The following DENND1A variants were observed in gnomAD, a reference collection of about 807,000 sequenced individuals.
DENND1A encodes DENN domain containing 1A.
A neutral mutation model predicts 113.7 loss-of-function variants in DENND1A; 51 were observed. That is an observed-to-expected ratio of 0.45 (90% CI 0.36 to 0.57). DENND1A has a LOEUF of 0.57. Among genes scored for constraint, DENND1A ranks in the 20% least tolerant of loss-of-function variants. The pLI is 0.00. For missense variants in DENND1A, 1,258 were observed against 1,395.9 expected, an observed-to-expected ratio of 0.90 and a Z score of 1.57; for synonymous variants, 565 against 570.8, an observed-to-expected ratio of 0.99 and a Z score of 0.14.
intron 13 of DENND1A, among the ~76,000 whole-genome samples, chr9:123,538,896 C>T (rs1341386500): frequency 2.3e-5 from 3 of 131,710 alleles, no homozygotes; most frequent in Admixed American, 7.9e-5. Context: ...CAATTGTCAC[C>T]TTTGGAGGAT....
chr9:123,860,921 C>A (rs1348594136), intron 2 of DENND1A, among the ~76,000 whole-genome samples: 2 of 152,164 alleles, frequency 1.3e-5, no homozygotes, highest in African/African-American at 4.8e-5. Context: ...ATAACATTTA[C>A]AAAAAGCTCT....
chr9:123,393,417 A>G (rs1183361543), intron 21 of DENND1A, among the ~76,000 whole-genome samples: 1 of 152,116 alleles, frequency 6.6e-6, no homozygotes, highest in Non-Finnish European at 1.5e-5. Flanking sequence ...CCTGCCAGAG[A>G]TTCCACAGCA....
intron 11 of DENND1A, among the ~76,000 whole-genome samples, chr9:123,597,390 G>A (rs2137249675): frequency 6.6e-6 from 1 of 152,260 alleles, no homozygotes; most frequent in Non-Finnish European, 1.5e-5. Context: ...AAACTACAGG[G>A]GGTCTTAAAC....
chr9:123,527,890 C>T (rs575212683), intron 13 of DENND1A, among the ~76,000 whole-genome samples: 5 of 152,284 alleles, frequency 3.3e-5, no homozygotes, highest in South Asian at 2.1e-4. Flanking sequence ...TTGTGCTCTG[C>T]GACTGATTGT....
At chr9:123,778,953 A>T (rs1158914454) in intron 3 of DENND1A, among the ~76,000 whole-genome samples, 3 of 152,314 alleles carry the variant, frequency 2.0e-5, no homozygotes, top group South Asian at 2.1e-4. Context: ...TGCTATTTTT[A>T]AAAAAATGTT....
intron 13 of DENND1A, among the ~76,000 whole-genome samples, chr9:123,469,263 T>C (rs529378655): frequency 2.0e-5 from 3 of 152,236 alleles, no homozygotes; most frequent in South Asian, 4.1e-4. Flanking sequence ...AAAGAATCAA[T>C]GTCTCATCGT....
chr9:123,478,165 T>C (rs188192096), intron 13 of DENND1A, among the ~76,000 whole-genome samples: 369 of 152,270 alleles, frequency 2.4e-3, no homozygotes, highest in Non-Finnish European at 4.3e-3. Context: ...TCTGGACAAG[T>C]AGGACCTGAC....
chr9:123,450,682 A>G lies in DENND1A; in HGVS notation c.1356+11T>C. On this transcript the variant is annotated intron_variant, in intron 18 of 23. Transcript: ENST00000394215. ...TGGTGCTTATACATTTTGAATAAGA[A>G]CTTCAAGTACCTTTTGCTTCAAGCG... 6.2e-7 allele frequency: 1 copy of G among 1,608,544 alleles called. No homozygotes were observed. Among genetic ancestry groups the G allele is most frequent in the Admixed American group, 1.7e-5 (1 of 58,710 alleles).
chr9:123,798,542 A>AT (rs1834111321), intron 2 of DENND1A: 1 of 152,174 alleles, frequency 6.6e-6, no homozygotes, highest in Admixed American at 6.5e-5. Context: ...ATATGGAAGG[A>AT]TTTTAACCAG....
intron 13 of DENND1A, among the ~76,000 whole-genome samples, chr9:123,514,436 T>C (rs7869350): frequency 0.23 from 35,450 of 151,694 alleles, 4,330 homozygotes; most frequent in African/African-American, 0.28. Flanking sequence ...GGCAGTGGTC[T>C]AGCGCTGGGG....
At chr9:123,534,994 A>C (rs1325594555) in intron 13 of DENND1A, among the ~76,000 whole-genome samples, 7 of 152,174 alleles carry the variant, frequency 4.6e-5, no homozygotes, top group Admixed American at 3.3e-4. Context: ...AGTTGGAGGC[A>C]GACCAAGAAC....
At chr9:123,703,134 A>G (rs543343689) in intron 5 of DENND1A, among the ~76,000 whole-genome samples, 49 of 152,064 alleles carry the variant, frequency 3.2e-4, no homozygotes, top group Non-Finnish European at 5.9e-4. Context: ...GGCACACACC[A>G]CCACACATGG....
intron 9 of DENND1A, among the ~76,000 whole-genome samples, chr9:123,647,609 C>T: frequency 6.6e-6 from 1 of 152,144 alleles, no homozygotes; most frequent in Middle Eastern, 3.2e-3. Flanking sequence ...AATCCCTAAA[C>T]AAGATACCAT....
At chr9:123,739,378 T>C (rs958801753) in intron 5 of DENND1A, among the ~76,000 whole-genome samples, 3 of 147,400 alleles carry the variant, frequency 2.0e-5, no homozygotes, top group African/African-American at 7.7e-5. Flanking sequence ...TAAAAATAAG[T>C]GTTAAAATAT....
At chr9:123,739,923 A>G (rs10986098) in intron 5 of DENND1A, among the ~76,000 whole-genome samples, 42 of 76,180 alleles carry the variant, frequency 5.5e-4, no homozygotes, top group African/African-American at 2.1e-3. Flanking sequence ...TACATAGGAG[A>G]AAAAAAAAAA....
intron 3 of DENND1A, among the ~76,000 whole-genome samples, chr9:123,789,697 T>G (rs1428933051): frequency 6.6e-6 from 1 of 152,134 alleles, no homozygotes; most frequent in Non-Finnish European, 1.5e-5. Flanking sequence ...CTTTTTCCAC[T>G]CTAAAGGCAG....
chr9:123,460,552 C>A (rs939594274), intron 13 of DENND1A, among the ~76,000 whole-genome samples: 1 of 152,210 alleles, frequency 6.6e-6, no homozygotes, highest in African/African-American at 2.4e-5. Context: ...AGACTGCGCC[C>A]CAAATCTATT....
chr9:123,731,021 A>C (rs1467269161), intron 5 of DENND1A, among the ~76,000 whole-genome samples: 1 of 151,952 alleles, frequency 6.6e-6, no homozygotes, highest in Non-Finnish European at 1.5e-5. Context: ...AAAACCAAAC[A>C]CTGCATGTTT....
chr9:123,650,546 AAAC>A lies in DENND1A; in HGVS notation c.618+1464_618+1466del, dbSNP rs1589514600. ...GTATATAAGTTTTGTCTACAAACAA[AAAC>A]AACAACAAACTCAGCAAACAGATAT... On this transcript the variant is annotated intron_variant, in intron 9 of 23. Transcript: ENST00000394215. Among the ~76,000 whole-genome samples the A allele has an allele frequency of 3.3e-5, 5 of 152,340 alleles. No homozygotes were observed. The East Asian group carries it at 9.6e-4, about 29-fold the overall frequency.
Sources: allele counts gnomAD v4.1 joint callset (sites outside exome capture counted in the v4.1 genomes callset), GRCh38; gene constraint gnomAD v4.1.1; transcripts MANE v1.5; gene names NCBI Gene and HGNC (gene_info 2026-07-23, HGNC 2026-07-21).